Variants in ZC3H12C observed in about 807,000 individuals in gnomAD.
The protein encoded by ZC3H12C is zinc finger CCCH-type containing 12C, also known as probable ribonuclease ZC3H12C.
In ZC3H12C, 20 loss-of-function variants were observed where a neutral mutation model predicts 76.3. The ratio of observed to expected loss-of-function variants is 0.26; its 90% CI spans 0.18 to 0.38. The LOEUF is 0.38. Ranked by LOEUF, ZC3H12C falls within the 10% of genes least tolerant of loss-of-function variation. The probability of loss-of-function intolerance (pLI) is 1.00; values close to 1 mark genes in which losing one functional copy is unlikely to be tolerated. For missense variants in ZC3H12C, 874 were observed against 1,086.5 expected (o/e 0.80, Z 2.75); for synonymous variants, 352 against 399.6 (o/e 0.88, Z 1.42).
intron 1 of ZC3H12C, among the ~76,000 whole-genome samples, chr11:110,115,188 C>T (rs1175267278): frequency 6.6e-6 from 1 of 152,122 alleles, no homozygotes; most frequent in Non-Finnish European, 1.5e-5. Flanking sequence ...CTCACTGCAG[C>T]CTCGCACTCC....
rs537862379 is a variant in ZC3H12C at position 110,170,861 on chromosome 11, G to T, written c.*5124G>T. 6.6e-6 allele frequency: 1 copy of T among 152,186 alleles called. No homozygotes were observed. The highest frequency in any genetic ancestry group is 6.5e-5 in the Admixed American group (1 of 15,286). The allele number at this position is 152,186 out of a possible 1,614,324, so 9.4% of individuals were successfully genotyped here. A position where few individuals can be genotyped will look rare whatever the true frequency, so the allele number is the denominator to read the frequency against. On this transcript the variant is annotated 3_prime_UTR_variant, in exon 6 of 6. Coordinates refer to ENST00000278590, the MANE Select transcript of ZC3H12C (RefSeq NM_033390.2). ...TAACAATGTTTATTGTTTTTTAAGT[G>T]GTTACTTTGTTTTTCCTTAATACTT...
At chr11:110,146,470 T>C (rs1319338832) in intron 2 of ZC3H12C, among the ~76,000 whole-genome samples, 1 of 152,214 alleles carries the variant, frequency 6.6e-6, no homozygotes, top group Non-Finnish European at 1.5e-5. Context: ...TGCTCCTAGT[T>C]GCAGCGTTAT....
intron 2 of ZC3H12C, among the ~76,000 whole-genome samples, chr11:110,149,956 T>G (rs918215951): frequency 2.6e-5 from 4 of 152,170 alleles, no homozygotes; most frequent in African/African-American, 9.6e-5. Context: ...GTGAATTCTC[T>G]GGTAATTTAT....
chr11:110,135,146 G>T (rs558872601), intron 1 of ZC3H12C, among the ~76,000 whole-genome samples: 2 of 152,040 alleles, frequency 1.3e-5, no homozygotes, highest in East Asian at 1.9e-4. Flanking sequence ...TTCAACTATC[G>T]CTGGCTTGCT....
Position 110,152,984 on chromosome 11 carries a change from G to C in ZC3H12C, c.839G>C (p.Arg280Thr). The change falls in exon 3 of 6, where the codon AGA becomes ACA. Residue 280 changes from arginine (R) to threonine (T), a missense_variant. Physicochemically the swap from Arg to Thr is moderately conservative, Grantham distance 71 (BLOSUM62 -1). This residue lies in a region of ZC3H12C where 269 missense variants were observed against 424.9 expected (regional missense o/e 0.63). Coordinates refer to ENST00000278590, the MANE Select transcript of ZC3H12C (RefSeq NM_033390.2). ...IKLAVDWFLE[R>T]GHKDITVFVP... Reference sequence around the variant, plus strand: ...TTGGCAGTGGATTGGTTTTTGGAAAGAGGCCACAAAGACATTACAGTTTTT... The same window carrying C: ...TTGGCAGTGGATTGGTTTTTGGAAACAGGCCACAAAGACATTACAGTTTTT... 6.2e-7 allele frequency: 1 copy of C among 1,612,194 alleles called. No homozygotes were observed. Among genetic ancestry groups the C allele is most frequent in the Non-Finnish European group, 8.5e-7 (1 of 1,179,102 alleles).
Position 110,097,696 on chromosome 11 carries a change from A to G in ZC3H12C, c.21+4264A>G, listed in dbSNP as rs118147058. Among the ~76,000 whole-genome samples, 15 of 152,334 alleles carry G rather than the reference A, an allele frequency of 9.8e-5. No individual in the cohort carries two copies. In the East Asian group the frequency reaches 2.9e-3, roughly 29 times the overall value. On this transcript the variant is annotated intron_variant, in intron 1 of 5. Coordinates refer to ENST00000278590, the MANE Select transcript of ZC3H12C (RefSeq NM_033390.2). ...TAATAATAGCAGAATGAGGGTTCCA[A>G]TTAATTTAGCCAGGCTAAGTCCCTG...
intron 1 of ZC3H12C, among the ~76,000 whole-genome samples, chr11:110,098,460 C>G (rs890886033): frequency 1.3e-5 from 2 of 152,020 alleles, no homozygotes; most frequent in Non-Finnish European, 2.9e-5. Context: ...CTTAGGGTAG[C>G]CTAAGTGTAG....
intron 2 of ZC3H12C, among the ~76,000 whole-genome samples, chr11:110,139,914 G>T (rs1321882387): frequency 1.4e-5 from 2 of 140,850 alleles, no homozygotes; most frequent in Non-Finnish European, 3.0e-5. Flanking sequence ...TGTCACTCAG[G>T]CTGGAGTGCA....
intron 1 of ZC3H12C, among the ~76,000 whole-genome samples, chr11:110,118,241 C>T (rs1020059368): frequency 5.3e-5 from 8 of 151,208 alleles, no homozygotes; most frequent in African/African-American, 1.9e-4. Flanking sequence ...AAGCATGGAT[C>T]AAGAGATATA....
At chr11:110,097,999 G>C (rs112337395) in intron 1 of ZC3H12C, among the ~76,000 whole-genome samples, 5,091 of 152,204 alleles carry the variant, frequency 0.033, 168 homozygotes, top group East Asian at 0.086. Context: ...TGTTATTTTA[G>C]AGTGTACTCC....
At chr11:110,104,701 T>A (rs1591457446) in intron 1 of ZC3H12C, among the ~76,000 whole-genome samples, 1 of 152,196 alleles carries the variant, frequency 6.6e-6, no homozygotes, top group Non-Finnish European at 1.5e-5. Context: ...GAATCTCAAT[T>A]TATCTTTGAT....
rs1253697072 is a variant in ZC3H12C, at chr11:110,164,295, G to C, written c.1256-46G>C. The C allele has an allele frequency of 4.0e-6, 6 of 1,483,050 alleles. No homozygotes were observed. The highest frequency in any genetic ancestry group is 5.4e-6 in the Non-Finnish European group (6 of 1,115,918). The allele number at this position is 1,483,050 out of a possible 1,614,324, so 91.9% of individuals were successfully genotyped here. A position where few individuals can be genotyped will look rare whatever the true frequency, so the allele number is the denominator to read the frequency against. ...TCATAGGGCCAAACTGAGTTTTCAG[G>C]ATCTGATGGTATGCTCCTTTGCCTA... On this transcript the variant is annotated intron_variant, in intron 5 of 5. Transcript: ENST00000278590. The surrounding 1 kb of genome is among the most constrained non-coding windows in gnomAD (Gnocchi z 5.7).
In ZC3H12C at chr11:110,137,079, G is replaced by T; in HGVS notation, c.438G>T (p.Gln146His). 1.2e-6 allele frequency: 2 copies of T among 1,613,852 alleles called. No individual in the cohort carries two copies. The highest frequency in any genetic ancestry group is 1.1e-5 in the South Asian group (1 of 91,038). ...AAGACTTTAAACCTGAAGAGTCCCA[G>T]ACTACATCCAAGGAAGCAAAGAAAC... The part of the protein sequence containing the change: ...ILQDFKPEES[Q>H]TTSKEAKKPP... Residue 146 changes from glutamine (Q) to histidine (H), a missense_variant, in exon 2 of 6, where the codon CAG becomes CAT. Gln to His is a conservative substitution (Grantham distance 24, BLOSUM62 0). Coordinates refer to ENST00000278590, the MANE Select transcript of ZC3H12C (RefSeq NM_033390.2).
At chr11:110,154,374 A>AG (rs1474925266) in intron 3 of ZC3H12C, among the ~76,000 whole-genome samples, 2 of 151,782 alleles carry the variant, frequency 1.3e-5, no homozygotes, top group Non-Finnish European at 2.9e-5. Flanking sequence ...CATCTCAAAA[A>AG]AAAAAAAAGA....
chr11:110,139,412 C>T (rs1224087757), intron 2 of ZC3H12C, among the ~76,000 whole-genome samples: 1 of 152,122 alleles, frequency 6.6e-6, no homozygotes, highest in Non-Finnish European at 1.5e-5. Flanking sequence ...AGAGGAGTGT[C>T]AAGAGTAGAG....
At chr11:110,143,393 T>C (rs1044914096) in intron 2 of ZC3H12C, among the ~76,000 whole-genome samples, 6 of 152,100 alleles carry the variant, frequency 3.9e-5, no homozygotes, top group African/African-American at 1.4e-4. Flanking sequence ...AATTAAAATC[T>C]ATTTTCATGT....
chr11:110,126,224 T>C (rs1433472114), intron 1 of ZC3H12C, among the ~76,000 whole-genome samples: 2,502 of 123,154 alleles, frequency 0.02, 115 homozygotes, highest in African/African-American at 0.069. Flanking sequence ...TTCTTTTTTT[T>C]TTTTTTTTTT....
intron 1 of ZC3H12C, among the ~76,000 whole-genome samples, chr11:110,102,079 T>C (rs1861227224): frequency 6.6e-6 from 1 of 151,488 alleles, no homozygotes; most frequent in Non-Finnish European, 1.5e-5. Context: ...GTTGTTTTCA[T>C]GCCTACTAAC....
At chr11:110,128,695 T>G (rs1861801671) in intron 1 of ZC3H12C, among the ~76,000 whole-genome samples, 1 of 152,040 alleles carries the variant, frequency 6.6e-6, no homozygotes, top group Non-Finnish European at 1.5e-5. Context: ...AGCTATTAAG[T>G]TTTATTAGGT....
Sources: gnomAD v4.1 joint callset for allele counts (sites outside exome capture counted in the v4.1 genomes callset) on GRCh38, gnomAD v4.1.1 for gene constraint, gnomAD v4.1.1 regional missense constraint, Gnocchi (gnomAD v3.1) non-coding constraint, MANE v1.5 for transcripts, NCBI Gene and HGNC (gene_info 2026-07-23, HGNC 2026-07-21) for gene names.